The following POU2AF1 variants were observed in gnomAD, a reference collection of about 807,000 sequenced individuals.
The protein encoded by POU2AF1 is POU domain class 2-associating factor 1.
In POU2AF1, 12 loss-of-function variants were observed where a neutral mutation model predicts 26.3. The observed-to-expected ratio is 0.46, with a 90% confidence interval of 0.29 to 0.74. The LOEUF (loss-of-function observed/expected upper bound fraction) is 0.74. Ranked by LOEUF, POU2AF1 falls within the 30% of genes least tolerant of loss-of-function variation. The pLI is 0.09. For missense variants in POU2AF1, 297 were observed against 334.5 expected (o/e 0.89, Z 0.87); for synonymous variants, 175 against 148.0 (o/e 1.18, Z -1.32).
In POU2AF1 at chr11:111,359,067, A is replaced by G. The variant is rs1182623606; in HGVS notation, c.17-149T>C. Reference sequence around the variant, plus strand: ...ACACTTCCTAGAATGCCTCTCCAGTATTGTCACTCCTCCTACTCCCAAACC... The same window carrying G: ...ACACTTCCTAGAATGCCTCTCCAGTGTTGTCACTCCTCCTACTCCCAAACC... On this transcript the variant is annotated intron_variant, in intron 1 of 4. Transcript: ENST00000393067. The G allele has an allele frequency of 5.2e-6, 7 of 1,345,526 alleles. No individual in the cohort carries two copies. The African/African-American group carries it at 1.0e-4, about 20-fold the overall frequency. 83.3% of individuals were successfully genotyped at this position (1,345,526 alleles called of 1,614,324 possible).
chr11:111,378,344 T>C (rs1339049093), intron 1 of POU2AF1, among the ~76,000 whole-genome samples: 2 of 152,146 alleles, frequency 1.3e-5, no homozygotes, highest in Non-Finnish European at 2.9e-5. Context: ...TGAGGAAGTA[T>C]AGAACTAGCC....
intron 4 of POU2AF1, among the ~76,000 whole-genome samples, chr11:111,357,166 T>C (rs1860863262): frequency 6.6e-6 from 1 of 152,106 alleles, no homozygotes; most frequent in Non-Finnish European, 1.5e-5. Flanking sequence ...GACTCACTGC[T>C]TGCAGGGAAG....
chr11:111,357,601 G>A lies in POU2AF1; in HGVS notation c.300C>T (p.Ala100=), dbSNP rs762605325. Residue 100 remains alanine (A), a synonymous_variant, in exon 4 of 5, where the codon GCC becomes GCT. Coordinates refer to ENST00000393067, the MANE Select transcript of POU2AF1 (RefSeq NM_006235.3). ...CATACTCGGTGTAAGGTGTCCATGG[G>A]GCCAGGGGCTGCAGGGTGGCCGGGG... ...QPTPATLQPL[A]PWTPYTEYVP... is the part of the protein sequence containing the mutation. 2 of 1,614,084 alleles carry A rather than the reference G, an allele frequency of 1.2e-6. No homozygotes were observed. The highest frequency in any genetic ancestry group is 1.7e-5 in the Admixed American group (1 of 60,014).
At chr11:111,358,686 G>A (rs1205781265) in intron 2 of POU2AF1, 102 bp downstream of exon 2, 19 of 1,285,218 alleles carry the variant, frequency 1.5e-5, no homozygotes, top group South Asian at 9.2e-5. Flanking sequence ...ATACACACAC[G>A]CATACACATA....
intron 1 of POU2AF1, 109 bp downstream of exon 1, chr11:111,379,053 C>A (rs371866302): frequency 1.0e-5 from 14 of 1,372,202 alleles, no homozygotes; most frequent in Admixed American, 1.7e-5. Context: ...CCCCCTCCCC[C>A]CGTGGCCCCA....
intron 2 of POU2AF1, among the ~76,000 whole-genome samples, 189 bp downstream of exon 2, chr11:111,358,597 TAC>T (rs1435765643): frequency 2.4e-4 from 19 of 79,020 alleles, no homozygotes; most frequent in African/African-American, 6.9e-4. Context: ...CACACACACA[TAC>T]ACTCTCACAC....
chr11:111,372,090 A>AGC (rs1861224629), intron 1 of POU2AF1, among the ~76,000 whole-genome samples: 1 of 140,840 alleles, frequency 7.1e-6, no homozygotes, highest in Non-Finnish European at 1.6e-5. Context: ...AGAGAGAGAG[A>AGC]TGAAGGAGCA....
intron 2 of POU2AF1, among the ~76,000 whole-genome samples, chr11:111,358,376 T>TCACACA (rs1170261792): frequency 0.014 from 268 of 18,778 alleles, 2 homozygotes; most frequent in African/African-American, 0.024. Flanking sequence ...ACTCACACAC[T>TCACACA]CTCTCACACA....
chr11:111,356,326 A>G (rs1860845178), intron 4 of POU2AF1, among the ~76,000 whole-genome samples: 1 of 152,102 alleles, frequency 6.6e-6, no homozygotes, highest in African/African-American at 2.4e-5. Flanking sequence ...CAGGCTCCAA[A>G]ATTGGTTTGC....
chr11:111,355,634 G>C (rs1165382204), intron 4 of POU2AF1, among the ~76,000 whole-genome samples: 1 of 152,190 alleles, frequency 6.6e-6, no homozygotes, highest in African/African-American at 2.4e-5. Flanking sequence ...AGGAAGTCTA[G>C]AGTGGGGCCT....
intron 1 of POU2AF1, among the ~76,000 whole-genome samples, chr11:111,361,051 T>C (rs1680612036): frequency 6.6e-6 from 1 of 152,038 alleles, no homozygotes; most frequent in South Asian, 2.1e-4. Context: ...AACATCCCAA[T>C]AGGAGATTCA....
intron 2 of POU2AF1, among the ~76,000 whole-genome samples, chr11:111,358,384 A>ACT (rs1565360655): frequency 9.5e-5 from 8 of 84,456 alleles, no homozygotes; most frequent in African/African-American, 2.7e-4. Context: ...ACTCTCTCAC[A>ACT]CACACTCCCT....
At chr11:111,362,044 G>A (rs1041626724) in intron 1 of POU2AF1, among the ~76,000 whole-genome samples, 3 of 152,160 alleles carry the variant, frequency 2.0e-5, no homozygotes, top group African/African-American at 7.2e-5. Context: ...CTACTGCTGG[G>A]TGGTGCCCAG....
intron 2 of POU2AF1, 139 bp downstream of exon 2, chr11:111,358,649 C>T: frequency 3.6e-6 from 4 of 1,097,544 alleles, no homozygotes; most frequent in Admixed American, 2.0e-5. Context: ...CTATCACACT[C>T]TCACACACTC....
intron 1 of POU2AF1, chr11:111,363,483 C>A: frequency 9.9e-7 from 1 of 1,009,080 alleles, no homozygotes; most frequent in Non-Finnish European, 1.2e-6. Flanking sequence ...AAACACTGAG[C>A]TCCCTACTGC....
chr11:111,363,893 G>A (rs935561237), intron 1 of POU2AF1: 27 of 985,294 alleles, frequency 2.7e-5, no homozygotes, highest in Middle Eastern at 5.2e-4. Context: ...AGTCCATCAC[G>A]GAGGAAAATC....
chr11:111,375,501 A>G (rs1419375886), intron 1 of POU2AF1, among the ~76,000 whole-genome samples: 3 of 141,192 alleles, frequency 2.1e-5, no homozygotes, highest in South Asian at 2.3e-4. Flanking sequence ...GGTTCATGCC[A>G]TTCTCCTGCC....
chr11:111,379,035 A>C, intron 1 of POU2AF1, 127 bp downstream of exon 1: 3 of 661,452 alleles, frequency 4.5e-6, no homozygotes, highest in Non-Finnish European at 6.7e-6. Context: ...CGGGGCTTGG[A>C]ACCCAGACCC....
At chr11:111,358,603 CTCACACACTG>C (rs1860931362) in intron 2 of POU2AF1, among the ~76,000 whole-genome samples, 175 bp downstream of exon 2, 1 of 40,024 alleles carries the variant, frequency 2.5e-5, no homozygotes, top group African/African-American at 5.2e-5. Flanking sequence ...CACATACACT[CTCACACACTG>C]ACGCAGATAC....
Sources: allele counts gnomAD v4.1 joint callset (sites outside exome capture counted in the v4.1 genomes callset), GRCh38; gene constraint gnomAD v4.1.1; transcripts MANE v1.5; gene names NCBI Gene and HGNC (gene_info 2026-07-23, HGNC 2026-07-21).